CDK6: variants seen among roughly 807,000 people sequenced by gnomAD.
CDK6 encodes the protein cyclin-dependent kinase 6.
A neutral mutation model predicts 37.1 loss-of-function variants in CDK6; 6 were observed. The observed-to-expected ratio is 0.16, with a 90% CI of 0.09 to 0.32. The LOEUF (loss-of-function observed/expected upper bound fraction) is 0.32, where lower values mean the gene tolerates loss of function less well. Among genes scored for constraint, CDK6 ranks in the 10% least tolerant of loss-of-function variants. The probability of loss-of-function intolerance (pLI) is 1.00; values close to 1 mark genes in which losing one functional copy is unlikely to be tolerated. For synonymous variants in CDK6, 160 were observed against 161.3 expected, an observed-to-expected ratio of 0.99 and a Z score of 0.06; for missense variants, 224 against 418.9, an observed-to-expected ratio of 0.53 and a Z score of 4.06.
chr7:92,661,786 C>A (rs1796839831), intron 5 of CDK6, among the ~76,000 whole-genome samples: 1 of 152,120 alleles, frequency 6.6e-6, no homozygotes, highest in South Asian at 2.1e-4. Context: ...GTAACTTTTA[C>A]TGAAAATAAT....
chr7:92,754,924 C>T (rs1376263267), intron 3 of CDK6, among the ~76,000 whole-genome samples: 1 of 152,090 alleles, frequency 6.6e-6, no homozygotes, highest in African/African-American at 2.4e-5. Context: ...CCGCTCTAGT[C>T]CCCTTCCCTG....
chr7:92,636,353 C>G (rs1362682515), intron 5 of CDK6, among the ~76,000 whole-genome samples: 4 of 151,888 alleles, frequency 2.6e-5, no homozygotes, highest in Non-Finnish European at 5.9e-5. Flanking sequence ...ACCACTGTGC[C>G]CAGCCAACAC....
chr7:92,644,264 C>T (rs10225965), intron 5 of CDK6, among the ~76,000 whole-genome samples: 40,027 of 152,050 alleles, frequency 0.26, 6,138 homozygotes, highest in East Asian at 0.7. Flanking sequence ...CCTTTCTTTG[C>T]TATAATTAAC....
At chr7:92,824,177 C>T (rs1436298648) in intron 2 of CDK6, among the ~76,000 whole-genome samples, 1 of 148,648 alleles carries the variant, frequency 6.7e-6, no homozygotes, top group African/African-American at 2.5e-5. Flanking sequence ...AAGATTAGTG[C>T]CCCTAAAAAA....
At chr7:92,738,728 A>C (rs1340860216) in intron 3 of CDK6, among the ~76,000 whole-genome samples, 1 of 152,064 alleles carries the variant, frequency 6.6e-6, no homozygotes, top group African/African-American at 2.4e-5. Flanking sequence ...AGTGTTCAGC[A>C]TAATAGAGTA....
intron 2 of CDK6, among the ~76,000 whole-genome samples, chr7:92,789,464 G>A (rs189256045): frequency 1.3e-5 from 2 of 152,266 alleles, no homozygotes; most frequent in East Asian, 3.9e-4. Context: ...CTACGTTAAT[G>A]GCCACACAAC....
chr7:92,727,544 C>T (rs779382301), intron 3 of CDK6, among the ~76,000 whole-genome samples: 2 of 152,244 alleles, frequency 1.3e-5, no homozygotes, highest in Non-Finnish European at 2.9e-5. Context: ...ACTTGACAAA[C>T]AGTAATTATT....
chr7:92,783,591 C>G (rs1276898130), intron 2 of CDK6, among the ~76,000 whole-genome samples: 1 of 152,120 alleles, frequency 6.6e-6, no homozygotes, highest in Non-Finnish European at 1.5e-5. Context: ...CAGCTTCTAT[C>G]TATATAGACC....
At chr7:92,777,609 G>A (rs898355321) in intron 2 of CDK6, among the ~76,000 whole-genome samples, 2 of 152,196 alleles carry the variant, frequency 1.3e-5, no homozygotes, top group African/African-American at 4.8e-5. Context: ...TTTGGTACCA[G>A]TACCATGCTG....
intron 2 of CDK6, among the ~76,000 whole-genome samples, chr7:92,823,443 TAAAAAAAA>T (rs34132527): frequency 1.9e-4 from 14 of 74,846 alleles, no homozygotes; most frequent in South Asian, 1.1e-3. Flanking sequence ...TCTTAATATG[TAAAAAAAA>T]AAAAAAAAAA....
At chr7:92,728,617 G>A (rs1435521498) in intron 3 of CDK6, among the ~76,000 whole-genome samples, 3 of 152,104 alleles carry the variant, frequency 2.0e-5, no homozygotes, top group African/African-American at 7.2e-5. Context: ...GATTAAAAGG[G>A]CTTGTTAATA....
chr7:92,759,411 T>C (rs1023335050), intron 3 of CDK6, among the ~76,000 whole-genome samples: 6 of 152,170 alleles, frequency 3.9e-5, no homozygotes, highest in African/African-American at 1.4e-4. Context: ...CCACCTTAAG[T>C]GTATCTGCTT....
intron 2 of CDK6, among the ~76,000 whole-genome samples, chr7:92,806,805 C>A (rs955803492): frequency 6.6e-6 from 1 of 152,160 alleles, no homozygotes; most frequent in African/African-American, 2.4e-5. Flanking sequence ...TGAGCCTTTA[C>A]CTGCGCTTCA....
Position 92,611,097 on chromosome 7 carries a change from G to A in CDK6, c.*4043C>T, listed in dbSNP as rs1795553176. 2 of 226,354 alleles carry A rather than the reference G, an allele frequency of 8.8e-6. No homozygotes were observed. Among genetic ancestry groups the A allele is most frequent in the African/African-American group, 4.5e-5 (2 of 44,900 alleles). 14.0% of individuals were successfully genotyped at this position (226,354 alleles called of 1,614,324 possible). On this transcript the variant is annotated 3_prime_UTR_variant, in exon 8 of 8. Coordinates refer to ENST00000424848, the MANE Select transcript of CDK6 (RefSeq NM_001145306.2). ...GAATATATCCTTCAAAATATATATA[G>A]CTTTGAAACTACCCTTTAAATACCT...
chr7:92,707,549 C>T (rs534286799), intron 4 of CDK6, among the ~76,000 whole-genome samples: 1 of 152,108 alleles, frequency 6.6e-6, no homozygotes, highest in East Asian at 1.9e-4. Context: ...ACAATGTTGC[C>T]AAGAAGGAAG....
chr7:92,671,575 G>T, intron 4 of CDK6, 40 bp from the exon 5 acceptor site: 1 of 1,303,296 alleles, frequency 7.7e-7, no homozygotes, highest in Non-Finnish European at 1.1e-6. Flanking sequence ...TGAGAAGGTG[G>T]CTGTTGGCTT....
In CDK6 at chr7:92,613,436, A is replaced by C. The variant is rs1476488921; in HGVS notation, c.*1704T>G. 4.3e-6 allele frequency: 1 copy of C among 233,624 alleles called. No homozygotes were observed. Among genetic ancestry groups the C allele is most frequent in the Non-Finnish European group, 8.5e-6 (1 of 118,056 alleles). The allele number at this position is 233,624 out of a possible 1,614,324, so 14.5% of individuals were successfully genotyped here. Reference sequence around the variant, plus strand: ...CAGGTGGCTAAACTTTCCAAAAGATACTTTCTGTGTCCTCTGGTTACTAGA... The same window carrying C: ...CAGGTGGCTAAACTTTCCAAAAGATCCTTTCTGTGTCCTCTGGTTACTAGA... On this transcript the variant is annotated 3_prime_UTR_variant, in exon 8 of 8. Coordinates refer to ENST00000424848, the MANE Select transcript of CDK6 (RefSeq NM_001145306.2).
At chr7:92,657,070 T>C (rs561620623) in intron 5 of CDK6, among the ~76,000 whole-genome samples, 1 of 151,870 alleles carries the variant, frequency 6.6e-6, no homozygotes, top group African/African-American at 2.4e-5. Context: ...CCATGTCACA[T>C]AAAACATATT....
intron 4 of CDK6, among the ~76,000 whole-genome samples, chr7:92,717,390 GAAAGGAA>G (rs1380699008): frequency 7.7e-6 from 1 of 129,532 alleles, no homozygotes; most frequent in Non-Finnish European, 1.6e-5. Context: ...AAGGGGAAAG[GAAAGGAA>G]AAAGGAAGGA....
Sources: allele counts gnomAD v4.1 joint callset (sites outside exome capture counted in the v4.1 genomes callset), GRCh38; gene constraint gnomAD v4.1.1; transcripts MANE v1.5; gene names NCBI Gene and HGNC (gene_info 2026-07-23, HGNC 2026-07-21).